The following TCF12 variants were observed in gnomAD, a reference collection of about 807,000 sequenced individuals.
TCF12 encodes the protein DNA-binding protein HTF4.
In TCF12, 45 loss-of-function variants were observed where a neutral mutation model predicts 86.0. The ratio of observed to expected loss-of-function variants is 0.52; its 90% CI spans 0.41 to 0.67. The LOEUF is 0.67. Ranked by LOEUF, TCF12 falls within the 30% of genes least tolerant of loss-of-function variation. TCF12 has a pLI of 0.00. For missense variants in TCF12, 881 were observed against 859.9 expected (o/e 1.02, Z -0.31); for synonymous variants, 330 against 299.6 (o/e 1.10, Z -1.05).
intron 3 of TCF12, among the ~76,000 whole-genome samples, chr15:57,045,512 G>A (rs1263720890): frequency 6.6e-6 from 1 of 151,982 alleles, no homozygotes; most frequent in African/African-American, 2.4e-5. Flanking sequence ...AGTCATTCAT[G>A]TTGAGGATTT....
chr15:57,143,468 A>G (rs1195715821), intron 5 of TCF12, among the ~76,000 whole-genome samples: 1 of 152,184 alleles, frequency 6.6e-6, no homozygotes, highest in Non-Finnish European at 1.5e-5. Flanking sequence ...TAAAAATTAA[A>G]CCGAAACAGC....
chr15:57,205,613 G>C (rs1166927601), intron 8 of TCF12, among the ~76,000 whole-genome samples: 1 of 152,220 alleles, frequency 6.6e-6, no homozygotes, highest in African/African-American at 2.4e-5. Context: ...TTACAGGTCA[G>C]ACTAGCAGAA....
chr15:56,995,829 T>C (rs1273168015), intron 3 of TCF12, among the ~76,000 whole-genome samples: 1 of 152,138 alleles, frequency 6.6e-6, no homozygotes, highest in Non-Finnish European at 1.5e-5. Context: ...AGTACTACAT[T>C]GAATAGAAGT....
intron 5 of TCF12, among the ~76,000 whole-genome samples, chr15:57,098,952 A>G (rs747218602): frequency 1.1e-4 from 17 of 152,114 alleles, no homozygotes; most frequent in Non-Finnish European, 2.2e-4. Flanking sequence ...GAAGTGGGAA[A>G]ATTTAGGAGT....
At chr15:57,202,970 C>G (rs892670970) in intron 8 of TCF12, among the ~76,000 whole-genome samples, 2 of 151,958 alleles carry the variant, frequency 1.3e-5, no homozygotes, top group African/African-American at 4.8e-5. Flanking sequence ...TTCATTTTTA[C>G]CAAATTTTGA....
chr15:56,973,622 A>T (rs900530015), intron 3 of TCF12, among the ~76,000 whole-genome samples: 1 of 152,156 alleles, frequency 6.6e-6, no homozygotes, highest in Admixed American at 6.5e-5. Context: ...TGATTCATGC[A>T]TTGGTTAGTA....
chr15:57,075,792 T>TCTC (rs1567370227), intron 4 of TCF12, among the ~76,000 whole-genome samples: 9 of 35,148 alleles, frequency 2.6e-4, no homozygotes, highest in East Asian at 1.1e-3. Flanking sequence ...CTTTCTTTCT[T>TCTC]TCTTTCTTTC....
chr15:56,977,027 CA>C (rs1222651863), intron 3 of TCF12, among the ~76,000 whole-genome samples: 1 of 152,096 alleles, frequency 6.6e-6, no homozygotes, highest in Non-Finnish European at 1.5e-5. Context: ...CCATATTGGA[CA>C]GTGCTGATTT....
chr15:57,231,736 T>C (rs1281750414), intron 9 of TCF12, among the ~76,000 whole-genome samples: 4 of 152,194 alleles, frequency 2.6e-5, no homozygotes, highest in Non-Finnish European at 4.4e-5. Context: ...TTTTGGACTA[T>C]GGGAAACAAA....
intron 5 of TCF12, among the ~76,000 whole-genome samples, chr15:57,148,543 A>T (rs2053527486): frequency 6.6e-6 from 1 of 152,080 alleles, no homozygotes; most frequent in South Asian, 2.1e-4. Context: ...TGGAATGTTC[A>T]AGGAAAATGA....
chr15:57,052,752 T>C (rs1277901317), intron 3 of TCF12, among the ~76,000 whole-genome samples: 1 of 152,224 alleles, frequency 6.6e-6, no homozygotes, highest in African/African-American at 2.4e-5. Context: ...GAGCTTCTTC[T>C]GTGTATTCAG....
chr15:57,274,648 A>G (rs1198846255), intron 19 of TCF12, among the ~76,000 whole-genome samples: 5 of 152,172 alleles, frequency 3.3e-5, no homozygotes, highest in East Asian at 3.9e-4. Context: ...CAAGGCACCT[A>G]TGTTCAGTGG....
At chr15:57,076,760 A>G (rs1388073728) in intron 4 of TCF12, among the ~76,000 whole-genome samples, 1 of 152,228 alleles carries the variant, frequency 6.6e-6, no homozygotes, top group Non-Finnish European at 1.5e-5. Flanking sequence ...GTCTCAAGAA[A>G]TAGTAAGTTA....
intron 8 of TCF12, among the ~76,000 whole-genome samples, chr15:57,220,561 C>T (rs1226459630): frequency 6.6e-6 from 1 of 152,050 alleles, no homozygotes; most frequent in Non-Finnish European, 1.5e-5. Flanking sequence ...TTATAGCAAG[C>T]ACATGACTAG....
At chr15:57,274,816 T>G (rs1482327313) in intron 19 of TCF12, among the ~76,000 whole-genome samples, 1 of 152,200 alleles carries the variant, frequency 6.6e-6, no homozygotes, top group African/African-American at 2.4e-5. Flanking sequence ...ACACAGCACC[T>G]TTTCCTCCCA....
At chr15:57,165,303 C>T (rs1315082937) in intron 5 of TCF12, among the ~76,000 whole-genome samples, 1 of 152,044 alleles carries the variant, frequency 6.6e-6, no homozygotes, top group African/African-American at 2.4e-5. Context: ...GATGCTCAAA[C>T]TAGGGATCTG....
chr15:57,160,147 T>C (rs1204334110), intron 5 of TCF12, among the ~76,000 whole-genome samples: 4 of 152,246 alleles, frequency 2.6e-5, no homozygotes, highest in Non-Finnish European at 5.9e-5. Context: ...GTGGCTAATC[T>C]GCTCTGAGGT....
chr15:57,017,973 G>A (rs2065251396), intron 3 of TCF12, among the ~76,000 whole-genome samples: 1 of 152,168 alleles, frequency 6.6e-6, no homozygotes, highest in Non-Finnish European at 1.5e-5. Flanking sequence ...ACTCCAGGGA[G>A]TGTAAGAATC....
chr15:57,241,517 T>C (rs1162092733), intron 12 of TCF12, among the ~76,000 whole-genome samples: 4 of 152,166 alleles, frequency 2.6e-5, no homozygotes, highest in Non-Finnish European at 5.9e-5. Flanking sequence ...ATCCTGAAAA[T>C]AGAGTATACA....
Sources: gnomAD v4.1 joint callset for allele counts (sites outside exome capture counted in the v4.1 genomes callset) on GRCh38, gnomAD v4.1.1 for gene constraint, MANE v1.5 for transcripts, NCBI Gene and HGNC (gene_info 2026-07-23, HGNC 2026-07-21) for gene names.